PTPRD: variants seen among roughly 807,000 people sequenced by gnomAD.
PTPRD encodes receptor-type tyrosine-protein phosphatase delta.
Under a neutral mutation model 214.5 loss-of-function variants are expected in PTPRD, and 34 were observed. That is an observed-to-expected ratio of 0.16 (90% confidence interval 0.12 to 0.21). The LOEUF (loss-of-function observed/expected upper bound fraction) is 0.21. Among genes scored for constraint, PTPRD ranks in the 10% least tolerant of loss-of-function variants. The probability of loss-of-function intolerance (pLI) is 1.00; values close to 1 mark genes in which losing one functional copy is unlikely to be tolerated. For synonymous variants in PTPRD, 1,128 were observed against 845.7 expected, an observed-to-expected ratio of 1.33 and a Z score of -5.79; for missense variants, 2,545 against 2,398.7, an observed-to-expected ratio of 1.06 and a Z score of -1.27.
At chr9:8,522,965 G>A (rs1000482843) in intron 19 of PTPRD, among the ~76,000 whole-genome samples, 2 of 152,114 alleles carry the variant, frequency 1.3e-5, no homozygotes, top group African/African-American at 4.8e-5. Context: ...TATTTGAGAT[G>A]GCTCACTGCA....
intron 12 of PTPRD, among the ~76,000 whole-genome samples, chr9:8,709,597 A>G (rs1239976249): frequency 1.3e-5 from 2 of 152,140 alleles, no homozygotes; most frequent in East Asian, 3.8e-4. Context: ...AACAAAAATT[A>G]TAATTACATG....
At chr9:10,506,196 G>C (rs970025337) in intron 2 of PTPRD, among the ~76,000 whole-genome samples, 45 of 151,442 alleles carry the variant, frequency 3.0e-4, no homozygotes, top group Admixed American at 2.0e-3. Context: ...AAAGCTTCAA[G>C]ACTTTTTTTA....
chr9:9,128,613 A>G (rs2099837794), intron 10 of PTPRD, among the ~76,000 whole-genome samples: 1 of 152,258 alleles, frequency 6.6e-6, no homozygotes, highest in South Asian at 2.1e-4. Context: ...TGCTTTAAAA[A>G]TATATCAGCT....
chr9:10,439,866 A>T (rs2098747462), intron 2 of PTPRD, among the ~76,000 whole-genome samples: 1 of 151,602 alleles, frequency 6.6e-6, no homozygotes, highest in African/African-American at 2.4e-5. Context: ...ATTCATTTAC[A>T]CTGTACTGTT....
chr9:9,819,565 T>C (rs2049992588), intron 5 of PTPRD, among the ~76,000 whole-genome samples: 1 of 152,174 alleles, frequency 6.6e-6, no homozygotes, highest in African/African-American at 2.4e-5. Context: ...GTTACCTGTG[T>C]ACGTTGTGTG....
intron 8 of PTPRD, among the ~76,000 whole-genome samples, chr9:9,409,568 A>C (rs1413913057): frequency 6.6e-6 from 1 of 152,102 alleles, no homozygotes; most frequent in Non-Finnish European, 1.5e-5. Context: ...AACTGAGAGC[A>C]CTTAAAATTT....
Position 9,678,731 on chromosome 9 carries a change from T to G in PTPRD, c.-287+55802A>C, listed in dbSNP as rs573186151. Among the ~76,000 whole-genome samples, 3 of 151,872 alleles carry G rather than the reference T, an allele frequency of 2.0e-5. No individual in the cohort carries two copies. The East Asian group carries it at 5.8e-4, about 30-fold the overall frequency. ...CTCTAAAAAAAAATAGCTCTCAGCA[T>G]AACAAGGAGTCAGTCTAAACTTTAA... On this transcript the variant is annotated intron_variant, in intron 7 of 45. Transcript: ENST00000381196.
rs1300770039 is a variant in PTPRD at position 8,730,898 on chromosome 9, T to C, written c.64+2882A>G. 6.6e-5 allele frequency among the ~76,000 whole-genome samples: 10 copies of C among 151,578 alleles called. No homozygotes were observed. The East Asian group carries it at 1.9e-3, about 29-fold the overall frequency. ...AGATCACAGCTCTACTGTCCAGACA[T>C]GCATTCAAGAAACAACAAGCAAAAT... On this transcript the variant is annotated intron_variant, in intron 12 of 45. Transcript: ENST00000381196.
intron 4 of PTPRD, among the ~76,000 whole-genome samples, chr9:9,969,715 G>T (rs77935221): frequency 2.0e-5 from 3 of 152,196 alleles, no homozygotes; most frequent in Non-Finnish European, 4.4e-5. Flanking sequence ...ACCTTGAATA[G>T]AAATAATTCC....
In PTPRD at chr9:9,938,521, C is replaced by A. The variant is rs1314311660; in HGVS notation, c.-382G>T. On this transcript the variant is annotated 5_prime_UTR_variant, in exon 5 of 46. An upstream start codon of the reference 5' UTR is lost. Coordinates refer to ENST00000381196, the MANE Select transcript of PTPRD (RefSeq NM_002839.4). ...ACTGAACTCACCTGGAGCCGAAGCC[C>A]ATCGCTTCCCTCGGTGCCAACATGC... The A allele has an allele frequency of 6.6e-6, 1 of 152,114 alleles. No homozygotes were observed. Among genetic ancestry groups the A allele is most frequent in the Non-Finnish European group, 1.5e-5 (1 of 68,024 alleles). 9.4% of individuals were successfully genotyped at this position (152,114 alleles called of 1,614,324 possible). A position where few individuals can be genotyped will look rare whatever the true frequency, so the allele number is the denominator to read the frequency against.
In PTPRD at chr9:9,043,008, T is replaced by C. The variant is rs1254104378; in HGVS notation, c.-142-24273A>G. ...TGAAGCTGAAGGCAATCTTATCTGTTACCAAACTTCATTTGCTCCTGCACA... is the reference window on the plus strand; with the variant it reads ...TGAAGCTGAAGGCAATCTTATCTGTCACCAAACTTCATTTGCTCCTGCACA... On this transcript the variant is annotated intron_variant, in intron 10 of 45. Transcript: ENST00000381196. 2.6e-5 allele frequency among the ~76,000 whole-genome samples: 4 copies of C among 152,198 alleles called. No individual in the cohort carries two copies. In the East Asian group the frequency reaches 5.8e-4, roughly 22 times the overall value.
At chr9:9,394,596 T>C (rs551685081) in intron 9 of PTPRD, among the ~76,000 whole-genome samples, 1 of 152,170 alleles carries the variant, frequency 6.6e-6, no homozygotes, top group South Asian at 2.1e-4. Flanking sequence ...TCTAGGATTG[T>C]CCTTATAAAT....
intron 5 of PTPRD, among the ~76,000 whole-genome samples, chr9:9,935,093 C>T (rs1345744126): frequency 1.3e-5 from 2 of 152,050 alleles, no homozygotes; most frequent in African/African-American, 2.4e-5. Flanking sequence ...TAAGAGCTCT[C>T]TATGACAAAC....
At chr9:9,825,200 A>G (rs945636664) in intron 5 of PTPRD, among the ~76,000 whole-genome samples, 1 of 151,986 alleles carries the variant, frequency 6.6e-6, no homozygotes, top group African/African-American at 2.4e-5. Flanking sequence ...TTCATATAGG[A>G]AAGACAGAAT....
intron 5 of PTPRD, among the ~76,000 whole-genome samples, chr9:9,893,115 A>T (rs1475004585): frequency 6.6e-6 from 1 of 152,030 alleles, no homozygotes; most frequent in African/African-American, 2.4e-5. Context: ...CATTTGGAGA[A>T]TATCACTATA....
At chr9:9,768,151 C>T (rs2098721513) in intron 5 of PTPRD, among the ~76,000 whole-genome samples, 1 of 152,102 alleles carries the variant, frequency 6.6e-6, no homozygotes. Flanking sequence ...TAGTCTTTTT[C>T]ACACCTTCTA....
intron 9 of PTPRD, among the ~76,000 whole-genome samples, chr9:9,300,660 T>C (rs1954923097): frequency 6.6e-6 from 1 of 151,800 alleles, no homozygotes; most frequent in Non-Finnish European, 1.5e-5. Flanking sequence ...TCTTCTGCTG[T>C]ATGAGGATAC....
intron 2 of PTPRD, among the ~76,000 whole-genome samples, chr9:10,484,675 A>G (rs2132344577): frequency 6.6e-6 from 1 of 152,092 alleles, no homozygotes; most frequent in South Asian, 2.1e-4. Context: ...TGCCATTGAG[A>G]AATATCTATT....
chr9:10,460,648 T>C (rs1289820292), intron 2 of PTPRD, among the ~76,000 whole-genome samples: 6 of 152,156 alleles, frequency 3.9e-5, no homozygotes, highest in Non-Finnish European at 7.4e-5. Flanking sequence ...ATAAATTTGC[T>C]GGATTTACAT....
Sources: allele counts gnomAD v4.1 joint callset (sites outside exome capture counted in the v4.1 genomes callset), GRCh38; gene constraint gnomAD v4.1.1; transcripts MANE v1.5; gene names NCBI Gene and HGNC (gene_info 2026-07-23, HGNC 2026-07-21).